The following HS3ST4 variants were observed in gnomAD, a reference collection of about 807,000 sequenced individuals.
HS3ST4 encodes heparan sulfate glucosamine 3-O-sulfotransferase 4.
HS3ST4 carries 17 observed loss-of-function variants against 29.2 expected under a neutral mutation model. The observed-to-expected ratio is 0.58, with a 90% CI of 0.40 to 0.87. The LOEUF (loss-of-function observed/expected upper bound fraction) is 0.87, where lower values mean the gene tolerates loss of function less well. Ranked by LOEUF, HS3ST4 falls within the 40% of genes least tolerant of loss-of-function variation. The pLI, the probability that HS3ST4 is intolerant of heterozygous loss-of-function variation, is 0.00. For synonymous variants in HS3ST4, 314 were observed against 285.7 expected, an observed-to-expected ratio of 1.10 and a Z score of -1.00; for missense variants, 627 against 634.5, an observed-to-expected ratio of 0.99 and a Z score of 0.13.
intron 1 of HS3ST4, among the ~76,000 whole-genome samples, chr16:26,124,020 A>G (rs1202337914): frequency 1.3e-5 from 2 of 152,032 alleles, no homozygotes; most frequent in East Asian, 3.9e-4. Context: ...TCCCGGGTTC[A>G]AGCGATTCTC....
At chr16:25,953,968 C>G (rs8050730) in intron 1 of HS3ST4, among the ~76,000 whole-genome samples, 8 of 152,010 alleles carry the variant, frequency 5.3e-5, no homozygotes, top group Non-Finnish European at 1.0e-4. Context: ...GTTTCCTTTT[C>G]GTGGACTGAA....
intron 1 of HS3ST4, among the ~76,000 whole-genome samples, chr16:25,872,698 C>T (rs1273268409): frequency 6.6e-6 from 1 of 152,162 alleles, no homozygotes; most frequent in Admixed American, 6.5e-5. Context: ...TGCTCATGCA[C>T]CATCGACCAA....
At chr16:25,897,076 A>T (rs1444025347) in intron 1 of HS3ST4, among the ~76,000 whole-genome samples, 1 of 152,128 alleles carries the variant, frequency 6.6e-6, no homozygotes, top group East Asian at 1.9e-4. Flanking sequence ...GATGGGTTCA[A>T]TTGTACTCCA....
intron 1 of HS3ST4, among the ~76,000 whole-genome samples, chr16:25,812,064 T>C (rs1265208925): frequency 6.6e-6 from 1 of 152,192 alleles, no homozygotes; most frequent in East Asian, 1.9e-4. Flanking sequence ...TGCGGTCTAC[T>C]GTTGATGGGC....
At chr16:25,730,334 C>T (rs1966562369) in intron 1 of HS3ST4, among the ~76,000 whole-genome samples, 2 of 151,462 alleles carry the variant, frequency 1.3e-5, no homozygotes, top group African/African-American at 2.4e-5. Flanking sequence ...TTTTATATTT[C>T]CTTCCTTCCT....
At chr16:26,026,752 C>A (rs568944972) in intron 1 of HS3ST4, among the ~76,000 whole-genome samples, 1 of 152,168 alleles carries the variant, frequency 6.6e-6, no homozygotes, top group South Asian at 2.1e-4. Flanking sequence ...GAAGTGGGGT[C>A]GTCATAATTG....
intron 1 of HS3ST4, among the ~76,000 whole-genome samples, chr16:26,092,926 A>G (rs572815154): frequency 1.4e-3 from 209 of 152,178 alleles, no homozygotes; most frequent in African/African-American, 4.6e-3. Context: ...ACTGGCAGAC[A>G]AGGAGATTCT....
chr16:25,910,824 T>C (rs1652382137), intron 1 of HS3ST4, among the ~76,000 whole-genome samples: 1 of 151,958 alleles, frequency 6.6e-6, no homozygotes, highest in East Asian at 1.9e-4. Context: ...ATTATGGTAA[T>C]GTTATTGCTA....
At chr16:25,808,372 T>C (rs1159003990) in intron 1 of HS3ST4, among the ~76,000 whole-genome samples, 1 of 152,242 alleles carries the variant, frequency 6.6e-6, no homozygotes, top group Admixed American at 6.5e-5. Context: ...CCAAACATGA[T>C]TTATTTAAAA....
At chr16:26,010,648 G>A (rs1465699189) in intron 1 of HS3ST4, among the ~76,000 whole-genome samples, 2 of 152,184 alleles carry the variant, frequency 1.3e-5, no homozygotes, top group Middle Eastern at 3.4e-3. Context: ...TCAAATAAAT[G>A]CAAAGTTATC....
intron 1 of HS3ST4, among the ~76,000 whole-genome samples, chr16:26,031,557 C>T (rs900772435): frequency 9.9e-5 from 15 of 151,940 alleles, no homozygotes; most frequent in Admixed American, 6.6e-4. Flanking sequence ...TTTGACTAGG[C>T]GAGTGTTAGA....
intron 1 of HS3ST4, among the ~76,000 whole-genome samples, chr16:25,719,684 G>A (rs932599836): frequency 8.5e-5 from 13 of 152,214 alleles, no homozygotes; most frequent in African/African-American, 3.1e-4. Context: ...TGTGAAGAAA[G>A]AGTAGAGGAA....
intron 1 of HS3ST4, among the ~76,000 whole-genome samples, chr16:25,791,868 G>T (rs914679620): frequency 6.6e-6 from 1 of 151,692 alleles, no homozygotes; most frequent in Non-Finnish European, 1.5e-5. Context: ...TCATTTTCTT[G>T]TCTTATGGCA....
At chr16:26,101,052 A>G (rs1009347772) in intron 1 of HS3ST4, among the ~76,000 whole-genome samples, 1 of 152,172 alleles carries the variant, frequency 6.6e-6, no homozygotes, top group Non-Finnish European at 1.5e-5. Context: ...CACTGCTAAT[A>G]TTCAGTCTGT....
intron 1 of HS3ST4, among the ~76,000 whole-genome samples, chr16:25,810,956 C>T (rs989850765): frequency 2.6e-5 from 4 of 152,154 alleles, no homozygotes; most frequent in Non-Finnish European, 4.4e-5. Context: ...TGTTAAATAT[C>T]AGCTGTGTGA....
At chr16:25,759,082 G>C (rs1185037352) in intron 1 of HS3ST4, among the ~76,000 whole-genome samples, 1 of 152,194 alleles carries the variant, frequency 6.6e-6, no homozygotes, top group East Asian at 1.9e-4. Context: ...GGGCCTTCCA[G>C]GTGCAAATGA....
intron 1 of HS3ST4, among the ~76,000 whole-genome samples, chr16:25,927,862 G>A (rs1968421821): frequency 6.6e-6 from 1 of 151,894 alleles, no homozygotes; most frequent in Non-Finnish European, 1.5e-5. Context: ...ATGTAACTGT[G>A]ATTTGAAAAG....
chr16:25,708,838 C>G (rs1966394338), intron 1 of HS3ST4, among the ~76,000 whole-genome samples: 1 of 152,128 alleles, frequency 6.6e-6, no homozygotes, highest in African/African-American at 2.4e-5. Context: ...CCTGGGATTC[C>G]CTTTTCCCAT....
At chr16:26,047,061 T>A (rs2141762743) in intron 1 of HS3ST4, among the ~76,000 whole-genome samples, 1 of 152,362 alleles carries the variant, frequency 6.6e-6, no homozygotes, top group Middle Eastern at 3.4e-3. Flanking sequence ...TTCTGTGCTT[T>A]CCTGCTTAAA....
Sources: gnomAD v4.1 joint callset for allele counts (sites outside exome capture counted in the v4.1 genomes callset) on GRCh38, gnomAD v4.1.1 for gene constraint, MANE v1.5 for transcripts, NCBI Gene and HGNC (gene_info 2026-07-23, HGNC 2026-07-21) for gene names.